EEFSEC: variants seen among roughly 807,000 people sequenced by gnomAD.
EEFSEC encodes the protein eukaryotic elongation factor, selenocysteine-tRNA specific.
Under a neutral mutation model 42.1 loss-of-function variants are expected in EEFSEC, and 43 were observed. That is an observed-to-expected ratio of 1.02 (90% CI 0.80 to 1.32). The LOEUF is 1.32. Among genes scored for constraint, EEFSEC ranks in the 40% most tolerant of loss-of-function variants. The pLI is 0.00. For missense variants in EEFSEC, 745 were observed against 803.6 expected, an observed-to-expected ratio of 0.93 and a Z score of 0.88; for synonymous variants, 354 against 339.1, an observed-to-expected ratio of 1.04 and a Z score of -0.48.
At chr3:128,303,988 T>G (rs1039299301) in intron 4 of EEFSEC, among the ~76,000 whole-genome samples, 1 of 152,100 alleles carries the variant, frequency 6.6e-6, no homozygotes, top group East Asian at 1.9e-4. Flanking sequence ...ATCTCTGAGC[T>G]TTTTTTATTG....
intron 1 of EEFSEC, among the ~76,000 whole-genome samples, chr3:128,171,477 G>T (rs1156957004): frequency 1.3e-5 from 2 of 152,116 alleles, no homozygotes; most frequent in Non-Finnish European, 2.9e-5. Flanking sequence ...TTTGTTTGAA[G>T]CAAGGGGTCA....
intron 6 of EEFSEC, among the ~76,000 whole-genome samples, chr3:128,385,781 A>C (rs1381269777): frequency 6.6e-6 from 1 of 152,198 alleles, no homozygotes; most frequent in African/African-American, 2.4e-5. Flanking sequence ...CCTAGCCTGA[A>C]TCTGGGCAGA....
intron 1 of EEFSEC, among the ~76,000 whole-genome samples, chr3:128,164,597 G>C (rs1202128087): frequency 6.6e-6 from 1 of 152,178 alleles, no homozygotes; most frequent in Non-Finnish European, 1.5e-5. Context: ...CTGGGTCACA[G>C]GCCAGTCCAA....
chr3:128,326,739 G>GA (rs2067067892), intron 4 of EEFSEC, among the ~76,000 whole-genome samples: 1 of 152,184 alleles, frequency 6.6e-6, no homozygotes, highest in Non-Finnish European at 1.5e-5. Context: ...TAATTGACTA[G>GA]AAAATCTGTC....
intron 4 of EEFSEC, among the ~76,000 whole-genome samples, chr3:128,265,248 T>C (rs945344473): frequency 2.0e-5 from 3 of 152,196 alleles, no homozygotes; most frequent in African/African-American, 4.8e-5. Context: ...GTGAATCTTA[T>C]GATGCTCAGA....
chr3:128,370,036 A>G (rs2067635277), intron 6 of EEFSEC, among the ~76,000 whole-genome samples: 1 of 152,204 alleles, frequency 6.6e-6, no homozygotes, highest in Admixed American at 6.5e-5. Context: ...GAAGTTTTCC[A>G]TGCTTGAGGA....
intron 2 of EEFSEC, among the ~76,000 whole-genome samples, chr3:128,251,001 T>A (rs2066181080): frequency 1.3e-5 from 2 of 151,810 alleles, no homozygotes; most frequent in African/African-American, 2.4e-5. Context: ...TGGATTCTTT[T>A]AGAGGCCATT....
chr3:128,159,663 C>T (rs533832538), intron 1 of EEFSEC, among the ~76,000 whole-genome samples: 14 of 152,312 alleles, frequency 9.2e-5, no homozygotes, highest in Admixed American at 2.0e-4. Flanking sequence ...CCTTCAGTCA[C>T]GGTGGCCTCA....
chr3:128,235,014 A>C (rs2065993628), intron 1 of EEFSEC, among the ~76,000 whole-genome samples: 1 of 152,164 alleles, frequency 6.6e-6, no homozygotes, highest in Admixed American at 6.5e-5. Flanking sequence ...ATGGTAAATT[A>C]TGCTGGTTTT....
intron 5 of EEFSEC, among the ~76,000 whole-genome samples, chr3:128,350,021 G>A (rs548171167): frequency 6.6e-6 from 1 of 152,334 alleles, no homozygotes; most frequent in East Asian, 1.9e-4. Flanking sequence ...GCCATCCTGG[G>A]TCTGGCACCC....
intron 1 of EEFSEC, among the ~76,000 whole-genome samples, chr3:128,212,165 A>T (rs890027447): frequency 2.0e-5 from 3 of 152,196 alleles, no homozygotes; most frequent in African/African-American, 7.2e-5. Context: ...CCAGCCAGAA[A>T]TACATACACT....
chr3:128,337,461 C>T (rs2067202683), intron 4 of EEFSEC, among the ~76,000 whole-genome samples: 1 of 152,178 alleles, frequency 6.6e-6, no homozygotes, highest in African/African-American at 2.4e-5. Context: ...GAAGGGGCAT[C>T]AGGGCAGCAT....
intron 1 of EEFSEC, among the ~76,000 whole-genome samples, chr3:128,173,646 C>T (rs1319376305): frequency 6.6e-6 from 1 of 152,172 alleles, no homozygotes; most frequent in Non-Finnish European, 1.5e-5. Flanking sequence ...TTTTATTTCC[C>T]TTCTCCTTAT....
Position 128,233,821 on chromosome 3 carries a change from C to A in EEFSEC, c.317-13015C>A, listed in dbSNP as rs2065982197. Among the ~76,000 whole-genome samples, 4 of 152,160 alleles carry A rather than the reference C, an allele frequency of 2.6e-5. 1 individual carries two copies. In the South Asian group the frequency reaches 8.3e-4, roughly 31 times the overall value. On this transcript the variant is annotated intron_variant, in intron 1 of 6. Transcript: ENST00000254730. ...CTAATCCAGTCCTCCAGTTTGTTAG[C>A]TGTGTGACTGAGGGCAAGTCACTTC...
chr3:128,390,540 C>G (rs2067896247), intron 6 of EEFSEC, among the ~76,000 whole-genome samples: 1 of 152,242 alleles, frequency 6.6e-6, no homozygotes, highest in Admixed American at 6.5e-5. Context: ...GCTTCTGTGT[C>G]TGAAAGAGAG....
chr3:128,408,239 C>T lies in EEFSEC; in HGVS notation c.1771C>T (p.Arg591Cys), dbSNP rs558222018. The change falls in exon 7 of 7, where the codon CGC (arginine) becomes TGC (cysteine). Residue 591 changes from arginine to cysteine, a missense_variant. Coordinates refer to ENST00000254730, the MANE Select transcript of EEFSEC (RefSeq NM_021937.5). ...FKRYVFDTHK[R>C]MVQSP The stretch of plus-strand genomic sequence containing the variant: ...GCGTTATGTCTTCGACACCCACAAG[C>T]GCATGGTTCAGTCTCCCTGAGTGTC... The T allele has an allele frequency of 4.1e-5, 65 of 1,604,076 alleles. No individual in the cohort carries two copies. The Admixed American group carries it at 5.1e-4, about 13-fold the overall frequency.
chr3:128,200,295 C>T (rs1026294786), intron 1 of EEFSEC, among the ~76,000 whole-genome samples: 24 of 148,922 alleles, frequency 1.6e-4, no homozygotes, highest in African/African-American at 5.9e-4. Flanking sequence ...ACATGAATCT[C>T]TTTTTTTTTT....
chr3:128,181,651 A>G (rs2999060), intron 1 of EEFSEC, among the ~76,000 whole-genome samples: 22,025 of 152,222 alleles, frequency 0.14, 1,714 homozygotes, highest in Admixed American at 0.2. Context: ...TCTGATCCTT[A>G]TGCACAGCCC....
In EEFSEC at chr3:128,244,941, A is replaced by G. The variant is rs565314545; in HGVS notation, c.317-1895A>G. Among the ~76,000 whole-genome samples the G allele has an allele frequency of 4.6e-5, 7 of 152,290 alleles. No homozygotes were observed. The South Asian group carries it at 1.5e-3, about 32-fold the overall frequency. On this transcript the variant is annotated intron_variant, in intron 1 of 6. Coordinates refer to ENST00000254730, the MANE Select transcript of EEFSEC (RefSeq NM_021937.5). ...TGGGTGTATAGTATTCTGTCATGGC[A>G]TTATAGCATTATATTCTTATTTTCA...
Sources: allele counts gnomAD v4.1 joint callset (sites outside exome capture counted in the v4.1 genomes callset), GRCh38; gene constraint gnomAD v4.1.1; transcripts MANE v1.5; gene names NCBI Gene and HGNC (gene_info 2026-07-23, HGNC 2026-07-21).